Variants in OCA2 observed in about 807,000 individuals in gnomAD.
OCA2 encodes the protein P protein.
Under a neutral mutation model 100.2 loss-of-function variants are expected in OCA2, and 77 were observed. The observed-to-expected ratio is 0.77, with a 90% CI of 0.64 to 0.93. OCA2 has a LOEUF of 0.93. Among genes scored for constraint, OCA2 ranks in the 40% least tolerant of loss-of-function variants. The probability of loss-of-function intolerance (pLI) is 0.00; values close to 1 mark genes in which losing one functional copy is unlikely to be tolerated. For missense variants in OCA2, 1,062 were observed against 1,089.1 expected, an observed-to-expected ratio of 0.98 and a Z score of 0.35; for synonymous variants, 432 against 439.2, an observed-to-expected ratio of 0.98 and a Z score of 0.21.
At position 28,024,849 on chromosome 15, in the gene OCA2, C is replaced by T. The variant is rs781401728; in HGVS notation, c.569G>A (p.Cys190Tyr). The T allele has an allele frequency of 6.2e-7, 1 of 1,614,212 alleles. No homozygotes were observed. Among genetic ancestry groups the T allele is most frequent in the South Asian group, 1.1e-5 (1 of 91,086 alleles). The change falls in exon 5 of 24, where the codon TGT (cysteine) becomes TAT (tyrosine). Residue 190 changes from cysteine to tyrosine, a missense_variant. Cys to Tyr is a radical substitution (Grantham distance 194). Coordinates refer to ENST00000354638, the MANE Select transcript of OCA2 (RefSeq NM_000275.3). Reference protein sequence around the residue: ...VMGLFAFVVLCSILFSLYPDQ... With the variant: ...VMGLFAFVVLYSILFSLYPDQ... ...TGGGGCAGCTAAGGTACTCACAGAA[C>T]ACAGCACCACAAAGGCAAACAGGCC...
chr15:27,745,100 C>T, the OCA2 span, among the ~76,000 whole-genome samples: 2 of 152,124 alleles, frequency 1.3e-5, no homozygotes, highest in Non-Finnish European at 2.9e-5. Flanking sequence ...TTGGATCTCC[C>T]ACAAGAAAGA....
intron 2 of OCA2, among the ~76,000 whole-genome samples, chr15:28,059,781 ACTT>A (rs2043815776): frequency 6.6e-6 from 1 of 152,226 alleles, no homozygotes; most frequent in African/African-American, 2.4e-5. Flanking sequence ...GCACTGGGTC[ACTT>A]CGTGTGTAAT....
chr15:27,738,722 GA>G, the OCA2 span, among the ~76,000 whole-genome samples: 3 of 147,452 alleles, frequency 2.0e-5, no homozygotes, highest in Non-Finnish European at 3.0e-5. Context: ...CTCGGTCTCA[GA>G]AAAAAAAAAG....
intron 19 of OCA2, among the ~76,000 whole-genome samples, chr15:27,924,791 A>G (rs369342241): frequency 6.6e-6 from 1 of 152,326 alleles, no homozygotes. Flanking sequence ...TGAAAATAGC[A>G]AAGTAGCAGA....
In OCA2 at chr15:27,849,170, A is replaced by G. The variant is rs373374164; in HGVS notation, c.2338+2212T>C. On this transcript the variant is annotated intron_variant, in intron 22 of 23. Coordinates refer to ENST00000354638, the MANE Select transcript of OCA2 (RefSeq NM_000275.3). ...GTGAACACAGCCACATGCTGCCTGG[A>G]TTGGTGTGAACACAGCCACATGCTG... Among the ~76,000 whole-genome samples, 438 of 128,730 alleles carry G rather than the reference A, an allele frequency of 3.4e-3. 17 individuals are homozygous for G. The highest frequency in any genetic ancestry group is 0.013 in the African/African-American group (320 of 25,480). The allele number at this position is 128,730 out of a possible 152,430, so 84.5% of individuals were successfully genotyped here. A position where few individuals can be genotyped will look rare whatever the true frequency, so the allele number is the denominator to read the frequency against.
intron 23 of OCA2, among the ~76,000 whole-genome samples, chr15:27,824,956 T>C (rs1177435325): frequency 6.6e-6 from 1 of 152,140 alleles, no homozygotes; most frequent in African/African-American, 2.4e-5. Flanking sequence ...TCTGCCAAGA[T>C]AATGCTTTTT....
chr15:27,995,615 C>G (rs1371114634), intron 9 of OCA2, among the ~76,000 whole-genome samples: 1 of 151,402 alleles, frequency 6.6e-6, no homozygotes, highest in Admixed American at 6.6e-5. Flanking sequence ...GTCTTGAACT[C>G]CTGGTCTCAA....
intron 23 of OCA2, among the ~76,000 whole-genome samples, chr15:27,794,457 G>A (rs1215430793): frequency 2.0e-5 from 3 of 152,132 alleles, no homozygotes; most frequent in African/African-American, 7.2e-5. Flanking sequence ...CAAATGAGTC[G>A]GGAGTATATC....
At chr15:27,728,582 G>A in the OCA2 span, among the ~76,000 whole-genome samples, 1 of 152,122 alleles carries the variant, frequency 6.6e-6, no homozygotes, top group African/African-American at 2.4e-5. Context: ...GTACATCATG[G>A]GGATTCACTC....
chr15:28,014,640 G>A (rs1292757369), intron 9 of OCA2, 136 bp downstream of exon 9: 13 of 961,192 alleles, frequency 1.4e-5, no homozygotes, highest in South Asian at 2.9e-5. Context: ...AGAGGGACAC[G>A]CTAATCTTTA....
At chr15:27,807,957 C>G (rs1272789395) in intron 23 of OCA2, among the ~76,000 whole-genome samples, 1 of 152,214 alleles carries the variant, frequency 6.6e-6, no homozygotes, top group Non-Finnish European at 1.5e-5. Flanking sequence ...TTACTGACAG[C>G]ACTCCTTGCT....
intron 15 of OCA2, among the ~76,000 whole-genome samples, chr15:27,962,279 A>C (rs888122676): frequency 6.6e-6 from 1 of 152,228 alleles, no homozygotes; most frequent in African/African-American, 2.4e-5. Context: ...CTGCCATATA[A>C]GTTTCAACTC....
intron 19 of OCA2, among the ~76,000 whole-genome samples, chr15:27,876,747 A>AT (rs904685523): frequency 2.6e-5 from 4 of 151,322 alleles, no homozygotes; most frequent in South Asian, 2.1e-4. Flanking sequence ...AGATTCTCTT[A>AT]TTTTTTTTAA....
intron 19 of OCA2, chr15:27,896,263 A>G (rs971157318): frequency 2.7e-6 from 3 of 1,112,492 alleles, no homozygotes; most frequent in Non-Finnish European, 4.1e-6. Context: ...AAGGAATTTA[A>G]TGCAGAAGTA....
chr15:27,935,055 G>C (rs2039404198), intron 18 of OCA2, among the ~76,000 whole-genome samples: 1 of 152,160 alleles, frequency 6.6e-6, no homozygotes, highest in Non-Finnish European at 1.5e-5. Flanking sequence ...GCTCCTCAGG[G>C]ACACTGACAA....
intron 9 of OCA2, among the ~76,000 whole-genome samples, chr15:27,999,494 C>G (rs927389743): frequency 1.3e-5 from 2 of 152,136 alleles, no homozygotes; most frequent in Non-Finnish European, 2.9e-5. Context: ...ATATAACAAG[C>G]CCACAGCTAA....
At chr15:28,037,110 G>A (rs986210906) in intron 2 of OCA2, among the ~76,000 whole-genome samples, 2 of 152,134 alleles carry the variant, frequency 1.3e-5, no homozygotes, top group Admixed American at 1.3e-4. Flanking sequence ...GAGAGCCAAT[G>A]GCTCAGGACA....
chr15:27,768,493 G>A (rs11637271), intron 23 of OCA2, among the ~76,000 whole-genome samples: 40,097 of 152,010 alleles, frequency 0.26, 7,113 homozygotes, highest in Non-Finnish European at 0.39. Flanking sequence ...AATGTATAGC[G>A]AATCAATAGC....
At chr15:27,913,877 A>AAGAAAG (rs1567098040) in intron 19 of OCA2, among the ~76,000 whole-genome samples, 7 of 57,738 alleles carry the variant, frequency 1.2e-4, no homozygotes, top group Admixed American at 4.3e-4. Context: ...GAAAGAAAGA[A>AAGAAAG]AGAAAGAAAG....
Sources: gnomAD v4.1 joint callset for allele counts (sites outside exome capture counted in the v4.1 genomes callset) on GRCh38, gnomAD v4.1.1 for gene constraint, MANE v1.5 for transcripts, NCBI Gene and HGNC (gene_info 2026-07-23, HGNC 2026-07-21) for gene names.